The following LEPR variants were observed in gnomAD, a reference collection of about 807,000 sequenced individuals.
LEPR encodes the protein OB receptor.
In LEPR, 56 loss-of-function variants were observed where a neutral mutation model predicts 114.7. That is an observed-to-expected ratio of 0.49 (90% CI 0.39 to 0.61). The LOEUF (loss-of-function observed/expected upper bound fraction) is 0.61. LEPR is among the 20% of genes least tolerant of loss of function. The pLI, the probability that LEPR is intolerant of heterozygous loss-of-function variation, is 0.00. For missense variants in LEPR, 1,202 were observed against 1,352.9 expected (o/e 0.89, Z 1.75); for synonymous variants, 443 against 461.4 (o/e 0.96, Z 0.51).
chr1:65,510,403 G>A (rs1648969523), intron 2 of LEPR, among the ~76,000 whole-genome samples: 1 of 152,190 alleles, frequency 6.6e-6, no homozygotes, highest in African/African-American at 2.4e-5. Context: ...GATCAATTGA[G>A]CTTTAGCAAG....
At position 65,581,449 on chromosome 1, in the gene LEPR, C is replaced by CT. The variant is rs35414686; in HGVS notation, c.494+9013dup. On this transcript the variant is annotated intron_variant, in intron 5 of 19. Coordinates refer to ENST00000349533, the MANE Select transcript of LEPR (RefSeq NM_002303.6). The stretch of plus-strand genomic sequence containing the variant: ...AGCACAATTTTTAATGGTTGAAAGG[C>CT]TTTTTTTTTTTTTCCATTTTGTTCT... Among the ~76,000 whole-genome samples the CT allele has an allele frequency of 7.1e-3, 1,037 of 145,924 alleles. 12 individuals carry two copies. Among genetic ancestry groups the CT allele is most frequent in the African/African-American group, 0.021 (841 of 39,680 alleles).
chr1:65,480,617 G>A (rs1193057324), intron 2 of LEPR, among the ~76,000 whole-genome samples: 2 of 152,124 alleles, frequency 1.3e-5, no homozygotes, highest in Admixed American at 6.5e-5. Context: ...TAAGGCAGAG[G>A]AAATTTATAG....
At chr1:65,609,835 A>T in intron 12 of LEPR, 112 bp from the exon 13 acceptor site, 1 of 1,409,346 alleles carries the variant, frequency 7.1e-7, no homozygotes, top group Non-Finnish European at 1.0e-6. Flanking sequence ...ACACAGAATC[A>T]GTTCTCTTAA....
chr1:65,581,824 T>C (rs764714338), intron 5 of LEPR, among the ~76,000 whole-genome samples: 10 of 152,204 alleles, frequency 6.6e-5, no homozygotes, highest in Admixed American at 6.5e-5. Flanking sequence ...AAATATATCA[T>C]TCAGTTCAAT....
chr1:65,601,436 A>C lies in LEPR; in HGVS notation c.1039A>C (p.Asn347His), dbSNP rs756843622. ...TAAAATTCTGACAAGTGTTGGGTCT[A>C]ATGTTTCTTTTCACTGCATCTATAA... ...PPKILTSVGS[N>H]VSFHCIYKKE... The change falls in exon 9 of 20, where the codon AAT (asparagine) becomes CAT (histidine). Residue 347 changes from asparagine (N) to histidine (H), a missense_variant. Physicochemically the swap from Asn to His is moderately conservative, Grantham distance 68 (BLOSUM62 1). Transcript: ENST00000349533. The C allele has an allele frequency of 1.2e-6, 2 of 1,613,398 alleles. No individual in the cohort carries two copies. The highest frequency in any genetic ancestry group is 2.7e-5 in the African/African-American group (2 of 74,906).
At chr1:65,619,880 T>A in intron 16 of LEPR, 48 bp from the exon 17 acceptor site, 1 of 1,365,630 alleles carries the variant, frequency 7.3e-7, no homozygotes, top group Non-Finnish European at 1.0e-6. Flanking sequence ...TTCCACTCAT[T>A]ACTATTAATT....
chr1:65,443,005 T>C (rs1646669126), intron 2 of LEPR, among the ~76,000 whole-genome samples: 1 of 152,178 alleles, frequency 6.6e-6, no homozygotes, highest in South Asian at 2.1e-4. Context: ...ATGCAAAAAT[T>C]AATAGCAACA....
intron 6 of LEPR, among the ~76,000 whole-genome samples, chr1:65,594,046 T>G (rs1020307301): frequency 6.6e-6 from 1 of 152,016 alleles, no homozygotes; most frequent in African/African-American, 2.4e-5. Flanking sequence ...AGTATTTCCT[T>G]CTATTTGAAT....
At chr1:65,589,071 T>C (rs1321581230) in intron 5 of LEPR, among the ~76,000 whole-genome samples, 1 of 152,080 alleles carries the variant, frequency 6.6e-6, no homozygotes, top group East Asian at 1.9e-4. Flanking sequence ...TCTTCACCAA[T>C]ACTTGGTGTA....
chr1:65,465,639 A>G (rs182182110), intron 2 of LEPR, among the ~76,000 whole-genome samples: 36 of 152,246 alleles, frequency 2.4e-4, no homozygotes, highest in African/African-American at 8.7e-4. Context: ...AAAGTCTCCC[A>G]TTATTATTGT....
Position 65,637,035 on chromosome 1 carries a change from A to T in LEPR, c.*20A>T. ...GTGTAATTTCACTGAAGAAACCTTCAGATTTGTGTTATAATGGGTAATATA... is the reference window on the plus strand; with the variant it reads ...GTGTAATTTCACTGAAGAAACCTTCTGATTTGTGTTATAATGGGTAATATA... On this transcript the variant is annotated 3_prime_UTR_variant, in exon 20 of 20. Coordinates refer to ENST00000349533, the MANE Select transcript of LEPR (RefSeq NM_002303.6). 2 of 1,609,916 alleles carry T rather than the reference A, an allele frequency of 1.2e-6. No homozygotes were observed. Among genetic ancestry groups the T allele is most frequent in the Non-Finnish European group, 1.7e-6 (2 of 1,178,222 alleles).
chr1:65,490,567 A>G (rs1647812527), intron 2 of LEPR, among the ~76,000 whole-genome samples: 1 of 152,068 alleles, frequency 6.6e-6, no homozygotes, highest in Non-Finnish European at 1.5e-5. Context: ...GTTCAATCCT[A>G]GTGGTTTCAA....
rs990093067 is a variant in LEPR at position 65,570,454 on chromosome 1, C to A, written c.41-19C>A. The A allele has an allele frequency of 1.2e-6, 2 of 1,608,898 alleles. No individual in the cohort carries two copies. Among genetic ancestry groups the A allele is most frequent in the Admixed American group, 1.7e-5 (1 of 59,716 alleles). On this transcript the variant is annotated intron_variant, in intron 3 of 19. Coordinates refer to ENST00000349533, the MANE Select transcript of LEPR (RefSeq NM_002303.6). ...AAAATGATTACTTTTTTCTATGTGT[C>A]TTTTTAATATCCTAACAGAATTTAT... is the stretch of plus-strand genomic sequence containing the variant.
intron 2 of LEPR, among the ~76,000 whole-genome samples, chr1:65,516,439 G>A (rs779203211): frequency 4.2e-4 from 31 of 74,080 alleles, no homozygotes; most frequent in Non-Finnish European, 6.5e-4. Flanking sequence ...GCGAGACTCC[G>A]TCTCAAAAAA....
At chr1:65,469,698 C>T (rs1330436375) in intron 2 of LEPR, among the ~76,000 whole-genome samples, 1 of 152,202 alleles carries the variant, frequency 6.6e-6, no homozygotes, top group Non-Finnish European at 1.5e-5. Context: ...AGTGTGTATG[C>T]ATATGCCTGT....
intron 8 of LEPR, among the ~76,000 whole-genome samples, chr1:65,599,235 A>G (rs527922045): frequency 2.1e-4 from 32 of 152,290 alleles, no homozygotes; most frequent in African/African-American, 7.5e-4. Flanking sequence ...GCCAATGTTC[A>G]TATTTTAAAG....
chr1:65,572,365 T>C lies in LEPR; in HGVS notation c.410T>C (p.Leu137Ser), dbSNP rs1377855223. The C allele has an allele frequency of 6.6e-7, 1 of 1,520,244 alleles. No individual in the cohort carries two copies. Among genetic ancestry groups the C allele is most frequent in the Non-Finnish European group, 8.9e-7 (1 of 1,121,930 alleles). The allele number at this position is 1,520,244 out of a possible 1,614,324, so 94.2% of individuals were successfully genotyped here. The part of the protein sequence containing the change: ...WNIQCWLKGD[L>S]KLFICYVESL... ...ATACAGTGCTGGCTAAAAGGAGACT[T>C]AAAATTATTCATCTGTTATGTGGAG... The change falls in exon 5 of 20, where the codon TTA becomes TCA. Residue 137 changes from leucine (L) to serine (S), a missense_variant. Physicochemically the swap from Leu to Ser is moderately radical, Grantham distance 145 (BLOSUM62 -2). Transcript: ENST00000349533.
intron 2 of LEPR, among the ~76,000 whole-genome samples, chr1:65,492,553 C>T (rs1163061129): frequency 6.6e-6 from 1 of 152,008 alleles, no homozygotes; most frequent in East Asian, 1.9e-4. Flanking sequence ...TCTCTCTACT[C>T]CAAAACATTA....
At chr1:65,485,754 A>G (rs954470083) in intron 2 of LEPR, among the ~76,000 whole-genome samples, 1 of 152,148 alleles carries the variant, frequency 6.6e-6, no homozygotes, top group Non-Finnish European at 1.5e-5. Flanking sequence ...TCAGTCTACA[A>G]TATTGCTTAT....
Sources: allele counts gnomAD v4.1 joint callset (sites outside exome capture counted in the v4.1 genomes callset), GRCh38; gene constraint gnomAD v4.1.1; transcripts MANE v1.5; gene names NCBI Gene and HGNC (gene_info 2026-07-23, HGNC 2026-07-21).